The following METAP1D variants were observed in gnomAD, a reference collection of about 807,000 sequenced individuals.
METAP1D encodes the protein methionyl aminopeptidase type 1D, mitochondrial.
METAP1D carries 31 observed loss-of-function variants against 40.5 expected under a neutral mutation model. The ratio of observed to expected loss-of-function variants is 0.77; its 90% CI spans 0.58 to 1.03. METAP1D has a LOEUF of 1.03. Ranked by LOEUF, METAP1D falls within the 50% of genes least tolerant of loss-of-function variation. METAP1D has a pLI of 0.00. For missense variants in METAP1D, 411 were observed against 420.7 expected (o/e 0.98, Z 0.20); for synonymous variants, 151 against 146.4 (o/e 1.03, Z -0.22).
Position 172,001,094 on chromosome 2 carries a change from G to A in METAP1D, c.40+1085G>A, listed in dbSNP as rs77654730. Among the ~76,000 whole-genome samples, 1,021 of 152,136 alleles carry A rather than the reference G, an allele frequency of 6.7e-3. 14 individuals are homozygous for A. The highest frequency in any genetic ancestry group is 0.023 in the African/African-American group (968 of 41,504). ...TAGAGAGGTTAAGTAACATTACTAA[G>A]GTCGCATAAATGGTAAGAGGCAGAT... On this transcript the variant is annotated intron_variant, in intron 1 of 9. Coordinates refer to ENST00000315796, the MANE Select transcript of METAP1D (RefSeq NM_199227.3).
intron 1 of METAP1D, among the ~76,000 whole-genome samples, chr2:172,017,842 A>G (rs964737600): frequency 2.8e-4 from 42 of 152,110 alleles, no homozygotes; most frequent in Admixed American, 3.3e-4. Flanking sequence ...GAAATTTTAA[A>G]ACTGGGCTGG....
rs59857607 is a variant in METAP1D, at chr2:172,076,319, T to TA, written c.705-1465dup. 3.5e-3 allele frequency among the ~76,000 whole-genome samples: 506 copies of TA among 146,042 alleles called. 1 individual carries two copies. The highest frequency in any genetic ancestry group is 0.017 in the Middle Eastern group (5 of 290). On this transcript the variant is annotated intron_variant, in intron 6 of 9. Transcript: ENST00000315796. ...TAGGTTTAGGGAGAAACTGTTCCTG[T>TA]AAAAAAAAAAAAATCTAGATTATTA...
chr2:172,040,038 G>A (rs1236160150), intron 1 of METAP1D, among the ~76,000 whole-genome samples: 1 of 150,766 alleles, frequency 6.6e-6, no homozygotes, highest in African/African-American at 2.4e-5. Flanking sequence ...AGGCTGGAGT[G>A]CAACTGCCTG....
intron 6 of METAP1D, among the ~76,000 whole-genome samples, chr2:172,072,960 A>T (rs1690458371): frequency 6.6e-6 from 1 of 152,204 alleles, no homozygotes; most frequent in South Asian, 2.1e-4. Context: ...CACAGTAGGA[A>T]TAATTAGCTC....
chr2:172,012,202 C>T (rs1232439207), intron 1 of METAP1D, among the ~76,000 whole-genome samples: 2 of 152,174 alleles, frequency 1.3e-5, no homozygotes, highest in Admixed American at 6.5e-5. Context: ...CTCAAACTAG[C>T]TGATGCTCCT....
chr2:172,045,664 GAA>G (rs35609681), intron 1 of METAP1D, among the ~76,000 whole-genome samples: 41 of 46,944 alleles, frequency 8.7e-4, no homozygotes, highest in South Asian at 1.8e-3. Context: ...TCCGTCTCAG[GAA>G]AAAAAAAAAA....
chr2:172,026,084 GTTAGAA>G (rs1240739841), intron 1 of METAP1D, among the ~76,000 whole-genome samples: 1 of 152,024 alleles, frequency 6.6e-6, no homozygotes, highest in Non-Finnish European at 1.5e-5. Context: ...CAGTTGTTTT[GTTAGAA>G]TTAGGAACCA....
intron 2 of METAP1D, among the ~76,000 whole-genome samples, chr2:172,062,787 T>A (rs1329317357): frequency 6.6e-6 from 1 of 152,216 alleles, no homozygotes; most frequent in Non-Finnish European, 1.5e-5. Flanking sequence ...CAGGACAGGC[T>A]TCACAAAGAA....
intron 7 of METAP1D, 74 bp downstream of exon 7, chr2:172,077,968 C>T: frequency 1.3e-6 from 1 of 767,106 alleles, no homozygotes; most frequent in Non-Finnish European, 2.2e-6. Context: ...GAAGCTCTTC[C>T]TCTGACTTTG....
intron 1 of METAP1D, among the ~76,000 whole-genome samples, chr2:172,008,111 G>A (rs1688631921): frequency 6.8e-6 from 1 of 146,868 alleles, no homozygotes; most frequent in Admixed American, 6.9e-5. Flanking sequence ...GGATTTTGCT[G>A]ATGGTATTAT....
At chr2:172,079,577 C>G (rs1230237203) in intron 8 of METAP1D, among the ~76,000 whole-genome samples, 1 of 152,170 alleles carries the variant, frequency 6.6e-6, no homozygotes, top group Non-Finnish European at 1.5e-5. Flanking sequence ...CCCTTGCTCC[C>G]TGTCAGCAAG....
At chr2:172,061,282 G>C (rs1001193626) in intron 1 of METAP1D, among the ~76,000 whole-genome samples, 1 of 152,090 alleles carries the variant, frequency 6.6e-6, no homozygotes, top group Non-Finnish European at 1.5e-5. Flanking sequence ...CCATTGTCAC[G>C]CATTTATGTA....
intron 1 of METAP1D, among the ~76,000 whole-genome samples, chr2:172,041,727 TA>T (rs1293474204): frequency 0.028 from 81 of 2,906 alleles, 9 homozygotes; most frequent in East Asian, 0.23. Context: ...CTAATTATTT[TA>T]TATATATATA....
intron 5 of METAP1D, 73 bp from the exon 6 acceptor site, chr2:172,070,834 T>C: frequency 8.1e-7 from 1 of 1,237,652 alleles, no homozygotes; most frequent in Non-Finnish European, 1.1e-6. Flanking sequence ...AATACATAAA[T>C]GAATACAATG....
intron 6 of METAP1D, among the ~76,000 whole-genome samples, chr2:172,077,290 G>A (rs1042485883): frequency 1.3e-5 from 2 of 152,172 alleles, no homozygotes; most frequent in African/African-American, 4.8e-5. Flanking sequence ...GGTAAAATGT[G>A]TAACACTTTG....
At chr2:172,073,394 G>A (rs1432321823) in intron 6 of METAP1D, among the ~76,000 whole-genome samples, 1 of 150,684 alleles carries the variant, frequency 6.6e-6, no homozygotes, top group Non-Finnish European at 1.5e-5. Flanking sequence ...AAAAAAAAAA[G>A]AAGAAGAAGA....
In METAP1D at chr2:172,066,413, C is replaced by T. The variant is rs539058486; in HGVS notation, c.540+107C>T. The T allele has an allele frequency of 6.9e-6, 6 of 868,446 alleles. No homozygotes were observed. The African/African-American group carries it at 1.0e-4, about 15-fold the overall frequency. The allele number at this position is 868,446 out of a possible 1,614,324, so 53.8% of individuals were successfully genotyped here. ...ACTGCACCAGTGGAAGTGCTGTTTA[C>T]TTCTAGACCCAGACGCAAGCAGCTG... On this transcript the variant is annotated intron_variant, in intron 5 of 9. Transcript: ENST00000315796.
chr2:172,046,943 A>G (rs921584945), intron 1 of METAP1D, among the ~76,000 whole-genome samples: 9 of 152,214 alleles, frequency 5.9e-5, no homozygotes, highest in Non-Finnish European at 7.3e-5. Context: ...AATTTAGGCT[A>G]TCAGGTTTCC....
chr2:172,078,004 G>T, intron 7 of METAP1D, 110 bp downstream of exon 7: 1 of 526,062 alleles, frequency 1.9e-6, no homozygotes, highest in Admixed American at 3.0e-5. Context: ...CCTTGTGTTT[G>T]TGTGTGTGTT....
Sources: gnomAD v4.1 joint callset for allele counts (sites outside exome capture counted in the v4.1 genomes callset) on GRCh38, gnomAD v4.1.1 for gene constraint, MANE v1.5 for transcripts, NCBI Gene and HGNC (gene_info 2026-07-23, HGNC 2026-07-21) for gene names.